The following PHIP variants were observed in gnomAD, a reference collection of about 807,000 sequenced individuals.
The protein encoded by PHIP is PH-interacting protein.
Under a neutral mutation model 236.8 loss-of-function variants are expected in PHIP, and 54 were observed. The ratio of observed to expected loss-of-function variants is 0.23; its 90% confidence interval spans 0.18 to 0.29. PHIP has a LOEUF of 0.29. Ranked by LOEUF, PHIP falls within the 10% of genes least tolerant of loss-of-function variation. PHIP has a pLI of 1.00. For synonymous variants in PHIP, 756 were observed against 718.9 expected, an observed-to-expected ratio of 1.05 and a Z score of -0.83; for missense variants, 1,370 against 2,190.8, an observed-to-expected ratio of 0.63 and a Z score of 7.48.
intron 21 of PHIP, 133 bp downstream of exon 21, chr6:78,988,076 C>A: frequency 2.0e-6 from 1 of 506,010 alleles, no homozygotes; most frequent in Non-Finnish European, 3.3e-6. Context: ...AAAATAAAAG[C>A]TGTATCATAA....
chr6:78,982,820 C>T (rs1230249729), intron 23 of PHIP, 66 bp downstream of exon 23: 2 of 943,962 alleles, frequency 2.1e-6, no homozygotes, highest in Admixed American at 2.6e-5. Flanking sequence ...ATCAATTGTA[C>T]TTCAAGATGT....
intron 27 of PHIP, among the ~76,000 whole-genome samples, chr6:78,967,245 G>A (rs778809795): frequency 3.9e-4 from 59 of 152,296 alleles, no homozygotes; most frequent in Non-Finnish European, 6.8e-4. Flanking sequence ...ACAACTGCAT[G>A]CTGTTGACAG....
At position 78,992,257 on chromosome 6, in the gene PHIP, C is replaced by G. The variant is rs370812351; in HGVS notation, c.2202-1272G>C. On this transcript the variant is annotated intron_variant, in intron 19 of 39. Coordinates refer to ENST00000275034, the MANE Select transcript of PHIP (RefSeq NM_017934.7). ...GGATTACAGGTGTGAGCCACCGCGCCGGCCCAAAATGGTAACATTTTGCAA... is the reference window on the plus strand; with the variant it reads ...GGATTACAGGTGTGAGCCACCGCGCGGGCCCAAAATGGTAACATTTTGCAA... Among the ~76,000 whole-genome samples the G allele has an allele frequency of 6.6e-5, 10 of 152,026 alleles. No homozygotes were observed. The South Asian group carries it at 2.1e-3, about 32-fold the overall frequency.
At chr6:78,950,449 T>C (rs1028883021) in intron 35 of PHIP, among the ~76,000 whole-genome samples, 5 of 152,216 alleles carry the variant, frequency 3.3e-5, no homozygotes, top group Non-Finnish European at 5.9e-5. Flanking sequence ...TTTGGTTGAA[T>C]TCTCCAGTGA....
chr6:79,078,141 T>G lies in PHIP; in HGVS notation c.-73A>C. Reference sequence around the variant, plus strand: ...GGGAAGCGGGGACGGTGCCGCCGCCTGCCCTATAGCTGTCAGTGTGTGTTC... The same window carrying G: ...GGGAAGCGGGGACGGTGCCGCCGCCGGCCCTATAGCTGTCAGTGTGTGTTC... On this transcript the variant is annotated 5_prime_UTR_variant, in exon 1 of 40. Coordinates refer to ENST00000275034, the MANE Select transcript of PHIP (RefSeq NM_017934.7). The G allele has an allele frequency of 6.8e-7, 1 of 1,473,066 alleles. No homozygotes were observed. Among genetic ancestry groups the G allele is most frequent in the Non-Finnish European group, 9.4e-7 (1 of 1,064,034 alleles). 91.2% of individuals were successfully genotyped at this position (1,473,066 alleles called of 1,614,324 possible). A position where few individuals can be genotyped will look rare whatever the true frequency, so the allele number is the denominator to read the frequency against.
At chr6:79,069,042 TAC>T (rs1418742933) in intron 4 of PHIP, among the ~76,000 whole-genome samples, 1 of 151,946 alleles carries the variant, frequency 6.6e-6, no homozygotes, top group African/African-American at 2.4e-5. Context: ...AAAGGCTAGT[TAC>T]ACTTCTGCTC....
chr6:78,978,657 G>C lies in PHIP; in HGVS notation c.2824C>G (p.Pro942Ala), dbSNP rs1427881778. ...ATGGTATCTGTAATCCATGTTGATG[G>C]CAACCATTCTTCTAATGTCAAACCA... ...ENGLTLEEWL[P>A]STWITDTIPR... The change falls in exon 24 of 40, where the codon CCA becomes GCA. Residue 942 changes from proline (P) to alanine (A), a missense_variant. Physicochemically the swap from Pro to Ala is conservative, Grantham distance 27. Transcript: ENST00000275034. 6.3e-7 allele frequency: 1 copy of C among 1,595,484 alleles called. No homozygotes were observed. Among genetic ancestry groups the C allele is most frequent in the Non-Finnish European group, 8.6e-7 (1 of 1,167,016 alleles).
chr6:79,027,572 A>T (rs546604149), intron 7 of PHIP, among the ~76,000 whole-genome samples: 54 of 152,196 alleles, frequency 3.5e-4, no homozygotes, highest in Non-Finnish European at 7.2e-4. Flanking sequence ...TAAGAATGAG[A>T]TATAAAGACA....
intron 27 of PHIP, among the ~76,000 whole-genome samples, chr6:78,966,403 C>A (rs1265521190): frequency 6.6e-6 from 1 of 152,114 alleles, no homozygotes; most frequent in African/African-American, 2.4e-5. Context: ...ATAATTGCGG[C>A]AAGTTCCACT....
chr6:78,963,000 A>G (rs1766883663), intron 30 of PHIP, 97 bp downstream of exon 30: 2 of 1,033,680 alleles, frequency 1.9e-6, no homozygotes, highest in Non-Finnish European at 2.8e-6. Context: ...CTGACTTAGG[A>G]TATTGTGAAA....
chr6:78,992,456 G>A (rs1204694990), intron 19 of PHIP, among the ~76,000 whole-genome samples: 1 of 150,856 alleles, frequency 6.6e-6, no homozygotes, highest in Non-Finnish European at 1.5e-5. Flanking sequence ...GGCATACATT[G>A]TTTTACTGTG....
chr6:78,963,817 G>A (rs899287773), intron 29 of PHIP, among the ~76,000 whole-genome samples: 12 of 152,256 alleles, frequency 7.9e-5, no homozygotes, highest in East Asian at 1.9e-4. Context: ...ATCTAGAAAC[G>A]TGCTAGGTAA....
Position 78,936,453 on chromosome 6 carries a change from C to T in PHIP, c.*4240G>A, listed in dbSNP as rs915106325. 2 of 151,850 alleles carry T rather than the reference C, an allele frequency of 1.3e-5. No homozygotes were observed. Among genetic ancestry groups the T allele is most frequent in the African/African-American group, 4.8e-5 (2 of 41,406 alleles). The allele number at this position is 151,850 out of a possible 1,614,324, so 9.4% of individuals were successfully genotyped here. On this transcript the variant is annotated 3_prime_UTR_variant, in exon 40 of 40. Coordinates refer to ENST00000275034, the MANE Select transcript of PHIP (RefSeq NM_017934.7). ...AGTCTATCATTGTGACTAATCAACA[C>T]ACACAATCTTAAAGTAACCAGCATG...
chr6:79,033,451 C>T (rs892140356), intron 7 of PHIP, among the ~76,000 whole-genome samples: 2 of 152,176 alleles, frequency 1.3e-5, no homozygotes, highest in African/African-American at 4.8e-5. Flanking sequence ...GGATAATTTG[C>T]GGCAACTACT....
At chr6:78,992,258 G>A (rs779390874) in intron 19 of PHIP, among the ~76,000 whole-genome samples, 11 of 151,830 alleles carry the variant, frequency 7.2e-5, no homozygotes, top group South Asian at 2.1e-4. Context: ...CCACCGCGCC[G>A]GCCCAAAATG....
chr6:78,962,873 G>C lies in PHIP; in HGVS notation c.3535+224C>G, dbSNP rs543137608. Among the ~76,000 whole-genome samples, 3 of 152,160 alleles carry C rather than the reference G, an allele frequency of 2.0e-5. No individual in the cohort carries two copies. In the South Asian group the frequency reaches 6.2e-4, roughly 32 times the overall value. ...TTCAGAGATGCCTCTGGCACTTCTA[G>C]GAGGCCCTTATTCTAAAATTCAGCT... On this transcript the variant is annotated intron_variant, in intron 30 of 39. Transcript: ENST00000275034.
intron 9 of PHIP, among the ~76,000 whole-genome samples, chr6:79,024,134 T>G (rs1020470759): frequency 6.6e-6 from 1 of 152,198 alleles, no homozygotes; most frequent in Non-Finnish European, 1.5e-5. Context: ...TGAAGTAGTT[T>G]TGTTACTCGA....
chr6:78,946,315 AAC>A (rs2127682467), intron 37 of PHIP, 55 bp from the exon 38 acceptor site: 1 of 1,506,326 alleles, frequency 6.6e-7, no homozygotes, highest in East Asian at 2.3e-5. Context: ...GAACGAATAA[AAC>A]AGTTTATAAT....
intron 7 of PHIP, among the ~76,000 whole-genome samples, chr6:79,036,856 G>C (rs1771961067): frequency 7.2e-6 from 1 of 139,820 alleles, no homozygotes; most frequent in Admixed American, 8.0e-5. Context: ...GGGAGGTGGA[G>C]CTTGCAAGTG....
Sources: gnomAD v4.1 joint callset for allele counts (sites outside exome capture counted in the v4.1 genomes callset) on GRCh38, gnomAD v4.1.1 for gene constraint, MANE v1.5 for transcripts, NCBI Gene and HGNC (gene_info 2026-07-23, HGNC 2026-07-21) for gene names.